The following FGF13 variants were observed in gnomAD, a reference collection of about 807,000 sequenced individuals.
FGF13 encodes the protein fibroblast growth factor homologous factor 2.
FGF13 carries 2 observed loss-of-function variants against 19.5 expected under a neutral mutation model. The ratio of observed to expected loss-of-function variants is 0.10; its 90% CI spans 0.04 to 0.32. FGF13 has a LOEUF of 0.32. FGF13 is among the 10% of genes least tolerant of loss of function. FGF13 has a pLI of 1.00. For missense variants in FGF13, 113 were observed against 192.7 expected, an observed-to-expected ratio of 0.59 and a Z score of 2.45; for synonymous variants, 72 against 76.9, an observed-to-expected ratio of 0.94 and a Z score of 0.33.
chrX:139,144,284 T>C (rs191343753), intron 1 of FGF13, among the ~76,000 whole-genome samples: 123 of 106,526 alleles, frequency 1.2e-3, no homozygotes, highest in African/African-American at 4.1e-3. Flanking sequence ...ACCCTTTTCC[T>C]CTACTCTGAT....
At chrX:138,820,635 C>A (rs919854392) in intron 3 of FGF13, among the ~76,000 whole-genome samples, 8 of 112,006 alleles carry the variant, frequency 7.1e-5, no homozygotes, top group Admixed American at 1.9e-4. Flanking sequence ...AGCTCACAGA[C>A]TAGTTCGTGA....
chrX:139,201,908 G>A lies in FGF13; in HGVS notation c.-113+1508C>T, dbSNP rs139884757. Among the ~76,000 whole-genome samples, 14 of 111,418 alleles carry A rather than the reference G, an allele frequency of 1.3e-4. No homozygotes were observed. The East Asian group carries it at 3.4e-3, about 27-fold the overall frequency. On this transcript the variant is annotated intron_variant, in intron 1 of 2. Transcript: ENST00000421460. Reference sequence around the variant, plus strand: ...GCAGCCAAAAGCTTCCCATCTTCTCGGGGAAGTAAACTCCCTTCTTAAAAG... The same window carrying A: ...GCAGCCAAAAGCTTCCCATCTTCTCAGGGAAGTAAACTCCCTTCTTAAAAG...
intron 1 of FGF13, among the ~76,000 whole-genome samples, chrX:138,935,590 G>C (rs1188439598): frequency 9.0e-6 from 1 of 111,707 alleles, no homozygotes; most frequent in Admixed American, 9.5e-5. Flanking sequence ...GTGAAAAATA[G>C]AGCACACGAG....
chrX:139,156,073 A>G (rs1313077087), intron 1 of FGF13, among the ~76,000 whole-genome samples: 1 of 111,976 alleles, frequency 8.9e-6, no homozygotes, highest in East Asian at 2.8e-4. Context: ...TGAGGCTTCA[A>G]GTTTATACAA....
At chrX:139,003,591 G>C (rs191902473) in intron 1 of FGF13, among the ~76,000 whole-genome samples, 1 of 96,169 alleles carries the variant, frequency 1.0e-5, no homozygotes, top group East Asian at 3.4e-4. Context: ...AGATAAAAAG[G>C]TTCTCCAAGT....
At chrX:139,084,128 G>C (rs1401298825) in intron 1 of FGF13, among the ~76,000 whole-genome samples, 1 of 109,389 alleles carries the variant, frequency 9.1e-6, no homozygotes, top group Non-Finnish European at 1.9e-5. Flanking sequence ...GCTAGCATAC[G>C]TGATACATAC....
At chrX:139,053,328 T>C (rs892762383) in intron 1 of FGF13, among the ~76,000 whole-genome samples, 8 of 111,066 alleles carry the variant, frequency 7.2e-5, no homozygotes, top group Non-Finnish European at 1.3e-4. Context: ...ATCTCCACAC[T>C]GTTTTCCATA....
At position 139,146,948 on chromosome X, in the gene FGF13, A is replaced by G. The variant is rs192369458; in HGVS notation, c.-113+56468T>C. On this transcript the variant is annotated intron_variant, in intron 1 of 2. Transcript: ENST00000421460. ...AACACTTGGACACACGGTGGGGAAC[A>G]TCACACACCGGGGCCTGTCGTGGGG... Among the ~76,000 whole-genome samples, 412 of 104,964 alleles carry G rather than the reference A, an allele frequency of 3.9e-3. 2 individuals are homozygous for G. Among genetic ancestry groups the G allele is most frequent in the African/African-American group, 0.014 (395 of 28,519 alleles). 91.1% of individuals were successfully genotyped at this position (104,964 alleles called of 115,157 possible). A position where few individuals can be genotyped will look rare whatever the true frequency, so the allele number is the denominator to read the frequency against.
At chrX:139,009,038 T>A (rs1318137645) in intron 1 of FGF13, among the ~76,000 whole-genome samples, 1 of 111,393 alleles carries the variant, frequency 9.0e-6, no homozygotes, top group Non-Finnish European at 1.9e-5. Context: ...AGGACACACT[T>A]AGAGAAATGC....
intron 1 of FGF13, among the ~76,000 whole-genome samples, chrX:138,994,347 T>C (rs1177566720): frequency 9.0e-6 from 1 of 111,060 alleles, no homozygotes; most frequent in Non-Finnish European, 1.9e-5. Flanking sequence ...AACTCATCTA[T>C]ACCTAAGTGT....
At chrX:138,669,095 A>G (rs768684333) in intron 3 of FGF13, among the ~76,000 whole-genome samples, 1 of 111,130 alleles carries the variant, frequency 9.0e-6, no homozygotes, top group East Asian at 2.9e-4. Context: ...TGAAAGAGAA[A>G]CTTAGGAGGG....
At chrX:138,673,612 G>C (rs1392136720) in intron 3 of FGF13, among the ~76,000 whole-genome samples, 1 of 111,207 alleles carries the variant, frequency 9.0e-6, no homozygotes, top group African/African-American at 3.3e-5. Flanking sequence ...AAATTACTTG[G>C]AACTGCAAAA....
chrX:138,897,848 T>C (rs1183214608), intron 1 of FGF13, among the ~76,000 whole-genome samples: 1 of 111,310 alleles, frequency 9.0e-6, no homozygotes, highest in Non-Finnish European at 1.9e-5. Flanking sequence ...CAGATTCAGA[T>C]CTGAATCAGA....
upstream of FGF13, among the ~76,000 whole-genome samples, chrX:138,740,439 A>G (rs190639254): frequency 5.1e-4 from 57 of 111,984 alleles, no homozygotes; most frequent in African/African-American, 1.8e-3. Context: ...TGCATAATCA[A>G]AATTGCCTTG....
chrX:138,768,797 A>G lies in FGF13; in HGVS notation c.218-59869T>C, dbSNP rs1476959796. 2.8e-5 allele frequency among the ~76,000 whole-genome samples: 3 copies of G among 105,359 alleles called. No homozygotes were observed. The South Asian group carries it at 1.3e-3, about 44-fold the overall frequency. The allele number at this position is 105,359 out of a possible 115,157, so 91.5% of individuals were successfully genotyped here. The stretch of plus-strand genomic sequence containing the variant: ...GTCTCTGGGCCAACAGCCTAGGAGG[A>G]GACATTTCATTAAGCCTCACAACCA... On this transcript the variant is annotated intron_variant, in intron 3 of 6. Coordinates refer to the FGF13 transcript ENST00000436198.
chrX:138,653,624 G>A (rs934498847), intron 3 of FGF13, among the ~76,000 whole-genome samples: 1 of 111,175 alleles, frequency 9.0e-6, no homozygotes, highest in Non-Finnish European at 1.9e-5. Flanking sequence ...CAGAAGTAAC[G>A]TATCTAATCA....
At chrX:138,984,523 G>GAA (rs2091979498) in intron 1 of FGF13, among the ~76,000 whole-genome samples, 10 of 31,572 alleles carry the variant, frequency 3.2e-4, no homozygotes, top group East Asian at 1.4e-3. Context: ...AAGAAGAAGA[G>GAA]GAAGAAGAAG....
intron 1 of FGF13, among the ~76,000 whole-genome samples, chrX:138,908,149 C>A (rs1265109244): frequency 9.7e-6 from 1 of 102,606 alleles, no homozygotes; most frequent in Admixed American, 1.1e-4. Flanking sequence ...CGGCTCACTG[C>A]AAGCTCTGCC....
At chrX:138,797,817 TG>T (rs1478972974) in intron 3 of FGF13, among the ~76,000 whole-genome samples, 1 of 111,821 alleles carries the variant, frequency 8.9e-6, no homozygotes, top group Non-Finnish European at 1.9e-5. Flanking sequence ...TTATTCTCTT[TG>T]TAACAATTGT....
Sources: gnomAD v4.1 joint callset for allele counts (sites outside exome capture counted in the v4.1 genomes callset) on GRCh38, gnomAD v4.1.1 for gene constraint, MANE v1.5 for transcripts, NCBI Gene and HGNC (gene_info 2026-07-23, HGNC 2026-07-21) for gene names.